Variants in ITFG2 observed in about 807,000 individuals in gnomAD.
The protein encoded by ITFG2 is integrin alpha FG-GAP repeat containing 2, also known as KICSTOR complex protein ITFG2.
A neutral mutation model predicts 54.4 loss-of-function variants in ITFG2; 36 were observed. That is an observed-to-expected ratio of 0.66 (90% CI 0.51 to 0.87). The LOEUF (loss-of-function observed/expected upper bound fraction) is 0.87. ITFG2 is among the 40% of genes least tolerant of loss of function. The pLI is 0.00. For missense variants in ITFG2, 524 were observed against 576.7 expected, an observed-to-expected ratio of 0.91 and a Z score of 0.94; for synonymous variants, 211 against 225.4, an observed-to-expected ratio of 0.94 and a Z score of 0.57.
chr12:2,842,191 G>C (rs1314806245), intron 2 of ITFG2, among the ~76,000 whole-genome samples: 1 of 124,762 alleles, frequency 8.0e-6, no homozygotes, highest in Non-Finnish European at 1.6e-5. Context: ...GCACGATCTC[G>C]GCTCACTGCA....
chr12:2,825,207 C>T (rs1271296693), downstream of ITFG2: 1 of 152,144 alleles, frequency 6.6e-6, no homozygotes, highest in Non-Finnish European at 1.5e-5. Context: ...CTTTCAAATT[C>T]CTCTCAATTA....
intron 2 of ITFG2, among the ~76,000 whole-genome samples, chr12:2,841,943 T>C (rs1391923625): frequency 6.6e-6 from 1 of 151,782 alleles, no homozygotes. Context: ...GGTCTCGATC[T>C]CCTGACCTCG....
chr12:2,838,042 T>G (rs1346676804), intron 1 of ITFG2, among the ~76,000 whole-genome samples: 1 of 152,156 alleles, frequency 6.6e-6, no homozygotes, highest in Non-Finnish European at 1.5e-5. Flanking sequence ...CGAGCTTCAT[T>G]TAGACTTAGC....
rs1603486122 is a variant in ITFG2 at position 2,845,421 on chromosome 12, A to G, written n.300+4426A>G. Among the ~76,000 whole-genome samples, 1 of 150,808 alleles carries G rather than the reference A, an allele frequency of 6.6e-6. No homozygotes were observed. Among genetic ancestry groups the G allele is most frequent in the Non-Finnish European group, 1.5e-5 (1 of 67,776 alleles). ...GGTTCCCAGTCCCCACAGCTTCCCGACTCCCTGGCCCCAGCCATTCCTCAA... is the reference window on the plus strand; with the variant it reads ...GGTTCCCAGTCCCCACAGCTTCCCGGCTCCCTGGCCCCAGCCATTCCTCAA... On this transcript the variant is annotated intron_variant and non_coding_transcript_variant, in intron 2 of 3. Transcript: ENST00000537710. This position sits in a 1 kb window ranked among gnomAD's most constrained non-coding sequence, Gnocchi z 4.2.
intron 9 of ITFG2, among the ~76,000 whole-genome samples, chr12:2,822,359 G>C (rs904665871): frequency 3.9e-5 from 6 of 152,164 alleles, no homozygotes; most frequent in Non-Finnish European, 8.8e-5. Flanking sequence ...CCAAAGAAAA[G>C]TTACTGTAAG....
At chr12:2,847,166 C>G (rs2098055348) in intron 2 of ITFG2, among the ~76,000 whole-genome samples, 1 of 152,062 alleles carries the variant, frequency 6.6e-6, no homozygotes, top group Admixed American at 6.6e-5. Flanking sequence ...CAAGGTTTAT[C>G]CATGTTGTAA....
At chr12:2,840,297 A>C (rs2098037935) in intron 1 of ITFG2, among the ~76,000 whole-genome samples, 1 of 151,834 alleles carries the variant, frequency 6.6e-6, no homozygotes, top group South Asian at 2.1e-4. Context: ...AAAAATACAA[A>C]AAAAAATTAG....
At chr12:2,826,971 CAG>C, downstream of ITFG2, 2 of 1,347,710 alleles carry the variant, frequency 1.5e-6, no homozygotes, top group Non-Finnish European at 1.9e-6. Context: ...GAAGATGAAT[CAG>C]AATCCTGGCA....
intron 5 of ITFG2, 68 bp from the exon 6 acceptor site, chr12:2,820,656 C>CCCCCCGTT: frequency 8.8e-7 from 1 of 1,141,418 alleles, no homozygotes. Context: ...CCACCGCCCC[C>CCCCCCGTT]TGCCGTTCTC....
rs1364726149 is a variant in ITFG2, at chr12:2,849,323, C to T, written n.300+8328C>T. 8 of 1,536,088 alleles carry T rather than the reference C, an allele frequency of 5.2e-6. No homozygotes were observed. In the Admixed American group the frequency reaches 1.6e-4, roughly 30 times the overall value. Reference sequence around the variant, plus strand: ...TGGTGGAGGGGTAAGGCAGTTCTGTCCTTTATCAGGGTTTGGAAATCCCTT... The same window carrying T: ...TGGTGGAGGGGTAAGGCAGTTCTGTTCTTTATCAGGGTTTGGAAATCCCTT... On this transcript the variant is annotated intron_variant and non_coding_transcript_variant, in intron 2 of 3. Coordinates refer to the ITFG2 transcript ENST00000537710.
chr12:2,851,868 A>G (rs10848714), intron 2 of ITFG2, among the ~76,000 whole-genome samples: 23,480 of 151,620 alleles, frequency 0.15, 1,930 homozygotes, highest in South Asian at 0.29. Context: ...TAGTAGAGAG[A>G]GGGTTTCACC....
chr12:2,838,721 T>G (rs1382392002), intron 1 of ITFG2, among the ~76,000 whole-genome samples: 1 of 152,210 alleles, frequency 6.6e-6, no homozygotes, highest in East Asian at 1.9e-4. Context: ...GACTCCGCAG[T>G]AAGGAGAATC....
At chr12:2,841,134 A>C (rs2098040056) in intron 2 of ITFG2, 1 of 152,608 alleles carries the variant, frequency 6.6e-6, no homozygotes, top group African/African-American at 2.4e-5. Flanking sequence ...CTAACAACAG[A>C]CTGGCTGCAG....
intron 3 of ITFG2, chr12:2,858,515 G>T: frequency 1.3e-6 from 1 of 794,346 alleles, no homozygotes; most frequent in Non-Finnish European, 2.0e-6. Flanking sequence ...TAATCAGGCA[G>T]CAGGGAGCTA....
intron 3 of ITFG2, chr12:2,858,522 G>A: frequency 1.2e-6 from 1 of 840,514 alleles, no homozygotes; most frequent in Non-Finnish European, 1.8e-6. Flanking sequence ...GCAGCAGGGA[G>A]CTATGAGGAG....
chr12:2,823,911 A>G lies in ITFG2; in HGVS notation c.1208A>G (p.Glu403Gly). ...NLVKLLETKP[E>G]YHSLLQELGV... Reference sequence around the variant, plus strand: ...GTGAAACTGCTGGAGACCAAGCCGGAGTACCACAGCCTGCTGCAGGAGCTG... The same window carrying G: ...GTGAAACTGCTGGAGACCAAGCCGGGGTACCACAGCCTGCTGCAGGAGCTG... Residue 403 changes from glutamate (E) to glycine (G), a missense_variant, in exon 11 of 12, where the codon GAG becomes GGG. Physicochemically the swap from Glu to Gly is moderately conservative, Grantham distance 98. Transcript: ENST00000228799. 2 of 1,613,544 alleles carry G rather than the reference A, an allele frequency of 1.2e-6. No homozygotes were observed. Among genetic ancestry groups the G allele is most frequent in the South Asian group, 2.2e-5 (2 of 91,006 alleles).
At chr12:2,853,429 C>G (rs1227975307) in intron 2 of ITFG2, among the ~76,000 whole-genome samples, 1 of 152,010 alleles carries the variant, frequency 6.6e-6, no homozygotes, top group Non-Finnish European at 1.5e-5. Flanking sequence ...CCTGCCACCA[C>G]GCCCAGCTAA....
At position 2,845,696 on chromosome 12, in the gene ITFG2, C is replaced by T. The variant is rs2098051679; in HGVS notation, n.300+4701C>T. 6.6e-6 allele frequency among the ~76,000 whole-genome samples: 1 copy of T among 152,062 alleles called. No homozygotes were observed. Among genetic ancestry groups the T allele is most frequent in the Admixed American group, 6.6e-5 (1 of 15,248 alleles). ...CCTGCCTCCCTCTCAGAGCTGCACT[C>T]CAGCTGTGGTGAAAGAGTGGATCTT... On this transcript the variant is annotated intron_variant and non_coding_transcript_variant, in intron 2 of 3. Coordinates refer to the ITFG2 transcript ENST00000537710. This position sits in a 1 kb window ranked among gnomAD's most constrained non-coding sequence, Gnocchi z 4.2.
chr12:2,842,821 T>G (rs2098044685), intron 2 of ITFG2, among the ~76,000 whole-genome samples: 1 of 152,186 alleles, frequency 6.6e-6, no homozygotes, highest in Non-Finnish European at 1.5e-5. Context: ...CTACAGCTCC[T>G]TTCCTCTTTC....
Sources: gnomAD v4.1 joint callset for allele counts (sites outside exome capture counted in the v4.1 genomes callset) on GRCh38, gnomAD v4.1.1 for gene constraint, Gnocchi (gnomAD v3.1) non-coding constraint, MANE v1.5 for transcripts, NCBI Gene and HGNC (gene_info 2026-07-23, HGNC 2026-07-21) for gene names.